Variants in KIFAP3 observed in about 807,000 individuals in gnomAD.
The protein encoded by KIFAP3 is kinesin associated protein 3, also known as kinesin-associated protein 3.
KIFAP3 carries 68 observed loss-of-function variants against 106.5 expected under a neutral mutation model. The ratio of observed to expected loss-of-function variants is 0.64; its 90% CI spans 0.53 to 0.78. The LOEUF (loss-of-function observed/expected upper bound fraction) is 0.78. Among genes scored for constraint, KIFAP3 ranks in the 30% least tolerant of loss-of-function variants. The pLI, the probability that KIFAP3 is intolerant of heterozygous loss-of-function variation, is 0.00. For missense variants in KIFAP3, 780 were observed against 941.8 expected (o/e 0.83, Z 2.25); for synonymous variants, 320 against 311.5 (o/e 1.03, Z -0.29).
chr1:170,001,634 A>G (rs1667673478), intron 10 of KIFAP3, among the ~76,000 whole-genome samples: 1 of 152,160 alleles, frequency 6.6e-6, no homozygotes, highest in Admixed American at 6.5e-5. Context: ...GTAGTAGTCT[A>G]TGAGGAGTTG....
chr1:170,074,322 G>A lies in KIFAP3; in HGVS notation c.32+114C>T, dbSNP rs10919296. On this transcript the variant is annotated intron_variant, in intron 1 of 19. Coordinates refer to ENST00000361580, the MANE Select transcript of KIFAP3 (RefSeq NM_014970.4). ...TCTCCTTTCGGTGACTTCTCTCCCT[G>A]CTTCCCATCCCGTCTGCTAAACTAG... 4.0e-3 allele frequency: 4,994 copies of A among 1,252,382 alleles called. 147 individuals carry two copies. The African/African-American group carries it at 0.064, about 16-fold the overall frequency. 77.6% of individuals were successfully genotyped at this position (1,252,382 alleles called of 1,614,324 possible).
chr1:169,972,484 T>C, intron 17 of KIFAP3, 29 bp downstream of exon 17: 3 of 1,078,742 alleles, frequency 2.8e-6, no homozygotes, highest in South Asian at 1.3e-5. Context: ...AAGTCAATTA[T>C]ACTTTGTGTA....
At chr1:169,989,733 A>AT (rs1667007594) in intron 11 of KIFAP3, among the ~76,000 whole-genome samples, 1 of 152,066 alleles carries the variant, frequency 6.6e-6, no homozygotes, top group Non-Finnish European at 1.5e-5. Flanking sequence ...TTATCCCCTG[A>AT]TATAAAAGTC....
intron 15 of KIFAP3, 138 bp downstream of exon 15, chr1:169,981,834 T>C: frequency 1.5e-6 from 1 of 664,764 alleles, no homozygotes; most frequent in Non-Finnish European, 2.5e-6. Context: ...TTTAATTCAT[T>C]TTTCTTGATT....
intron 6 of KIFAP3, among the ~76,000 whole-genome samples, chr1:170,035,015 T>A (rs1669610899): frequency 6.6e-6 from 1 of 151,998 alleles, no homozygotes; most frequent in Non-Finnish European, 1.5e-5. Flanking sequence ...CTTTTCATAA[T>A]GTCTTAATAA....
chr1:169,944,068 G>T (rs758030866), intron 19 of KIFAP3, among the ~76,000 whole-genome samples: 1 of 152,210 alleles, frequency 6.6e-6, no homozygotes, highest in Admixed American at 6.5e-5. Context: ...TTCTCCCTGA[G>T]TATTGTTTGC....
At chr1:169,981,754 C>T (rs1191485233) in intron 15 of KIFAP3, among the ~76,000 whole-genome samples, 1 of 152,106 alleles carries the variant, frequency 6.6e-6, no homozygotes, top group African/African-American at 2.4e-5. Flanking sequence ...AACTGCTTTA[C>T]AGCAACATTC....
chr1:169,986,120 T>C (rs1666818855), intron 11 of KIFAP3, among the ~76,000 whole-genome samples: 1 of 151,868 alleles, frequency 6.6e-6, no homozygotes, highest in Non-Finnish European at 1.5e-5. Context: ...CATGCCTTCA[T>C]GAATCCAACA....
At chr1:170,062,266 A>T (rs1387057640) in intron 1 of KIFAP3, among the ~76,000 whole-genome samples, 1 of 151,722 alleles carries the variant, frequency 6.6e-6, no homozygotes, top group African/African-American at 2.4e-5. Flanking sequence ...GGCAAAAAAA[A>T]AAACCCACCA....
intron 1 of KIFAP3, among the ~76,000 whole-genome samples, chr1:170,062,164 T>C (rs1202655893): frequency 8.7e-6 from 1 of 115,012 alleles, no homozygotes; most frequent in Non-Finnish European, 1.9e-5. Flanking sequence ...AAGTATAATT[T>C]AAAAAAAGAG....
intron 18 of KIFAP3, among the ~76,000 whole-genome samples, chr1:169,959,826 A>C (rs188261557): frequency 8.5e-5 from 13 of 152,218 alleles, no homozygotes; most frequent in African/African-American, 2.9e-4. Flanking sequence ...ATGAATACTG[A>C]ATATGTAAGG....
chr1:170,012,972 C>T (rs1401937439), intron 10 of KIFAP3, among the ~76,000 whole-genome samples: 4 of 152,072 alleles, frequency 2.6e-5, no homozygotes, highest in Non-Finnish European at 4.4e-5. Flanking sequence ...GCCCTTGAAA[C>T]GTGGGGATTA....
At chr1:170,055,223 T>G (rs779214310) in intron 2 of KIFAP3, 82 bp downstream of exon 2, 26 of 1,239,496 alleles carry the variant, frequency 2.1e-5, no homozygotes, top group Non-Finnish European at 2.9e-5. Context: ...TAATCACCTA[T>G]GCTGATCAAA....
chr1:170,005,290 A>T (rs1456101628), intron 10 of KIFAP3, among the ~76,000 whole-genome samples: 8 of 152,172 alleles, frequency 5.3e-5, no homozygotes, highest in Admixed American at 3.3e-4. Context: ...ATTGTGGAAG[A>T]CAGTCTGGTG....
chr1:169,948,311 A>G (rs1241124900), intron 19 of KIFAP3, among the ~76,000 whole-genome samples: 1 of 151,900 alleles, frequency 6.6e-6, no homozygotes, highest in Non-Finnish European at 1.5e-5. Flanking sequence ...TGTAAACACC[A>G]TGTCTAGAAA....
At chr1:169,953,293 AG>A (rs1664822493) in intron 19 of KIFAP3, among the ~76,000 whole-genome samples, 1 of 152,142 alleles carries the variant, frequency 6.6e-6, no homozygotes, top group Non-Finnish European at 1.5e-5. Flanking sequence ...AATGCCATCT[AG>A]GGAGGAAAAG....
intron 18 of KIFAP3, among the ~76,000 whole-genome samples, chr1:169,956,965 G>A (rs2101851711): frequency 6.6e-6 from 1 of 152,152 alleles, no homozygotes; most frequent in African/African-American, 2.4e-5. Flanking sequence ...TGCCCTTTAT[G>A]GCTTGACAAA....
chr1:169,989,023 A>G (rs900003070), intron 11 of KIFAP3, among the ~76,000 whole-genome samples: 6 of 152,052 alleles, frequency 3.9e-5, no homozygotes, highest in African/African-American at 1.4e-4. Context: ...TGTTCACAAA[A>G]TACAGATTAC....
At chr1:169,983,187 G>A (rs923611058) in intron 13 of KIFAP3, 83 bp downstream of exon 13, 73 of 770,986 alleles carry the variant, frequency 9.5e-5, no homozygotes, top group South Asian at 3.4e-5. Flanking sequence ...AATATTTGAC[G>A]AGACCTCAGT....
Sources: allele counts gnomAD v4.1 joint callset (sites outside exome capture counted in the v4.1 genomes callset), GRCh38; gene constraint gnomAD v4.1.1; transcripts MANE v1.5; gene names NCBI Gene and HGNC (gene_info 2026-07-23, HGNC 2026-07-21).